GASK1A: variants seen among roughly 807,000 people sequenced by gnomAD.
GASK1A encodes Golgi-associated kinase 1A.
A neutral mutation model predicts 41.2 loss-of-function variants in GASK1A; 40 were observed. The ratio of observed to expected loss-of-function variants is 0.97; its 90% confidence interval spans 0.75 to 1.27. The LOEUF (loss-of-function observed/expected upper bound fraction) is 1.27, where lower values mean the gene tolerates loss of function less well. Among genes scored for constraint, GASK1A ranks in the 50% most tolerant of loss-of-function variants. GASK1A has a pLI of 0.00. For synonymous variants in GASK1A, 316 were observed against 307.1 expected (o/e 1.03, Z -0.30); for missense variants, 678 against 745.1 (o/e 0.91, Z 1.05).
intron 2 of GASK1A, among the ~76,000 whole-genome samples, chr3:43,044,622 C>G (rs1007744898): frequency 1.3e-5 from 2 of 152,162 alleles, no homozygotes; most frequent in Non-Finnish European, 2.9e-5. Context: ...GGATTCATCC[C>G]CAAATTCATC....
rs1332087857 is a variant in GASK1A, at chr3:43,032,390, G to C, written c.127G>C (p.Asp43His). 1 of 1,551,666 alleles carries C rather than the reference G, an allele frequency of 6.4e-7. No homozygotes were observed. The change falls in exon 2 of 5, where the codon GAC becomes CAC. Residue 43 changes from aspartate (D) to histidine (H), a missense_variant. By Grantham distance (81) the Asp-to-His change is moderately conservative. Transcript: ENST00000430121. ...CCCACAGCGTCCATCCGCCGGCCCAGACCCTGGTCCCATGGAGCCTCAGGG... is the reference window on the plus strand; with the variant it reads ...CCCACAGCGTCCATCCGCCGGCCCACACCCTGGTCCCATGGAGCCTCAGGG... ...FPPQRPSAGP[D>H]PGPMEPQGVT...
chr3:43,033,139 T>A lies in GASK1A; in HGVS notation c.876T>A (p.Val292=), dbSNP rs2089587703. 3.9e-6 allele frequency: 6 copies of A among 1,551,130 alleles called. No individual in the cohort carries two copies. Among genetic ancestry groups the A allele is most frequent in the Non-Finnish European group, 4.4e-6 (5 of 1,146,678 alleles). ...CCGCCCATGGGCAGGTGCTACAGGT[T>A]GGCTTCTCCACTGAGGCTGCCCTTC... ...RVPAHGQVLQ[V]GFSTEAALQD... is the part of the protein sequence containing the mutation. Residue 292 remains valine, a synonymous_variant, in exon 2 of 5, where the codon GTT becomes GTA. Coordinates refer to ENST00000430121, the MANE Select transcript of GASK1A (RefSeq NM_001129908.3).
At chr3:43,021,753 G>A (rs1288762315) in intron 1 of GASK1A, among the ~76,000 whole-genome samples, 1 of 152,348 alleles carries the variant, frequency 6.6e-6, no homozygotes, top group African/African-American at 2.4e-5. Flanking sequence ...GCTCAGAAGG[G>A]CAGAAGCAGA....
Position 43,033,260 on chromosome 3 carries a change from C to T in GASK1A, c.997C>T (p.His333Tyr). ...PGDLPEVLSF[H>Y]VDRVLGLRRS... Reference sequence around the variant, plus strand: ...GGACCTGCCTGAGGTCCTGTCCTTCCACGTAGATCGTGTGCTGGGGCTGCG... The same window carrying T: ...GGACCTGCCTGAGGTCCTGTCCTTCTACGTAGATCGTGTGCTGGGGCTGCG... Residue 333 changes from histidine to tyrosine, a missense_variant, in exon 2 of 5, where the codon CAC becomes TAC. Transcript: ENST00000430121. 3.9e-6 allele frequency: 6 copies of T among 1,551,696 alleles called. No homozygotes were observed. Among genetic ancestry groups the T allele is most frequent in the South Asian group, 1.2e-5 (1 of 84,048 alleles).
chr3:43,054,091 C>G lies in GASK1A; in HGVS notation c.1413+448C>G, dbSNP rs536633817. 84 of 302,080 alleles carry G rather than the reference C, an allele frequency of 2.8e-4. 1 individual carries two copies. The highest frequency in any genetic ancestry group is 1.5e-3 in the African/African-American group (71 of 46,168). The allele number at this position is 302,080 out of a possible 1,614,324, so 18.7% of individuals were successfully genotyped here. ...CAGTGGCTCACAGGCTGGTGCTGCT[C>G]CTGTCAAAACTAGAGTCCAGGGTGG... is the stretch of plus-strand genomic sequence containing the variant. On this transcript the variant is annotated intron_variant, in intron 3 of 4. Coordinates refer to ENST00000430121, the MANE Select transcript of GASK1A (RefSeq NM_001129908.3).
intron 2 of GASK1A, among the ~76,000 whole-genome samples, chr3:43,040,278 T>A (rs377056667): frequency 3.5e-5 from 5 of 142,324 alleles, no homozygotes; most frequent in Admixed American, 2.2e-4. Flanking sequence ...CTACCTTTAA[T>A]AGAGCCAATT....
intron 1 of GASK1A, among the ~76,000 whole-genome samples, chr3:42,979,948 A>C (rs2089274232): frequency 6.6e-6 from 1 of 152,122 alleles, no homozygotes. Flanking sequence ...GCAATCCACA[A>C]GGCAGGGAGA....
Position 43,056,204 on chromosome 3 carries a change from G to A in GASK1A, c.1546G>A (p.Ala516Thr), listed in dbSNP as rs577244724. 1.1e-5 allele frequency: 17 copies of A among 1,551,486 alleles called. No individual in the cohort carries two copies. Among genetic ancestry groups the A allele is most frequent in the East Asian group, 4.9e-5 (2 of 40,922 alleles). ...TCCTGAGTCTGCCGTGAAGGTTCTC[G>A]CATCAGGGTGTCTACAGAACATGCT... Reference protein sequence around the residue: ...GFPESAVKVLASGCLQNMLLK... With the variant: ...GFPESAVKVLTSGCLQNMLLK... The change falls in exon 5 of 5, where the codon GCA (alanine) becomes ACA (threonine). Residue 516 changes from alanine to threonine, a missense_variant. Ala to Thr is a moderately conservative substitution (Grantham distance 58, BLOSUM62 0). Transcript: ENST00000430121.
chr3:43,056,523 G>A lies in GASK1A; in HGVS notation c.*137G>A, dbSNP rs2089717345. The A allele has an allele frequency of 1.4e-6, 1 of 739,760 alleles. No homozygotes were observed. The highest frequency in any genetic ancestry group is 2.1e-6 in the Non-Finnish European group (1 of 465,234). The allele number at this position is 739,760 out of a possible 1,614,324, so 45.8% of individuals were successfully genotyped here. A position where few individuals can be genotyped will look rare whatever the true frequency, so the allele number is the denominator to read the frequency against. The stretch of plus-strand genomic sequence containing the variant: ...GTCACGGGATATTTCACCTGCCTGG[G>A]ATGGTGGAGGTAGTATGGGGTTTTC... On this transcript the variant is annotated 3_prime_UTR_variant, in exon 5 of 5. Coordinates refer to ENST00000430121, the MANE Select transcript of GASK1A (RefSeq NM_001129908.3).
rs538049623 is a variant in GASK1A, at chr3:43,023,256, G to A, written c.4-9011G>A. ...ATGTGACTACAAGACAAGGAATGCC[G>A]ACAGCCACCAAAAGCTGGAAGAGGC... On this transcript the variant is annotated intron_variant, in intron 1 of 4. Coordinates refer to ENST00000430121, the MANE Select transcript of GASK1A (RefSeq NM_001129908.3). 2.6e-4 allele frequency among the ~76,000 whole-genome samples: 39 copies of A among 152,266 alleles called. No individual in the cohort carries two copies. In the South Asian group the frequency reaches 8.1e-3, roughly 32 times the overall value.
At chr3:43,053,820 T>G (rs1175936450) in intron 3 of GASK1A, 177 bp downstream of exon 3, 3 of 803,342 alleles carry the variant, frequency 3.7e-6, no homozygotes, top group Non-Finnish European at 6.3e-6. Flanking sequence ...TATATAAAGC[T>G]GACAAAATGG....
At chr3:43,049,420 G>A (rs984835610) in intron 2 of GASK1A, among the ~76,000 whole-genome samples, 6 of 152,056 alleles carry the variant, frequency 3.9e-5, no homozygotes, top group Non-Finnish European at 7.4e-5. Context: ...TTTTATAATA[G>A]GGTATTAGAG....
At chr3:43,007,766 A>G (rs1354167270) in intron 1 of GASK1A, among the ~76,000 whole-genome samples, 2 of 152,228 alleles carry the variant, frequency 1.3e-5, no homozygotes, top group Admixed American at 6.5e-5. Flanking sequence ...AAGAAAGAGA[A>G]TAGCAGGTGC....
intron 1 of GASK1A, among the ~76,000 whole-genome samples, chr3:43,007,800 C>T (rs1165280354): frequency 1.3e-5 from 2 of 152,216 alleles, no homozygotes; most frequent in Non-Finnish European, 2.9e-5. Context: ...TTTAGCTGAA[C>T]AACAGCATTA....
chr3:43,013,443 C>T (rs1384182979), intron 1 of GASK1A, among the ~76,000 whole-genome samples: 1 of 150,948 alleles, frequency 6.6e-6, no homozygotes, highest in African/African-American at 2.5e-5. Flanking sequence ...TAGGAAGTTA[C>T]AAGAAGGTGC....
Position 43,053,495 on chromosome 3 carries a change from C to G in GASK1A, c.1291-26C>G, listed in dbSNP as rs983584732. ...GTGGAGGCAGGCCCCCTGCCGCACC[C>G]CACCGAAGGCTGGGTGTCTCCACAG... On this transcript the variant is annotated intron_variant, in intron 2 of 4. Coordinates refer to ENST00000430121, the MANE Select transcript of GASK1A (RefSeq NM_001129908.3). 2.4e-5 allele frequency: 36 copies of G among 1,518,354 alleles called. No homozygotes were observed. In the Admixed American group the frequency reaches 7.5e-4, roughly 32 times the overall value. The allele number at this position is 1,518,354 out of a possible 1,614,324, so 94.1% of individuals were successfully genotyped here. A position where few individuals can be genotyped will look rare whatever the true frequency, so the allele number is the denominator to read the frequency against.
rs2089718113 is a variant in GASK1A at position 43,056,694 on chromosome 3, T to TAGA, written c.*308_*309insAGA. 3.8e-6 allele frequency: 1 copy of TAGA among 263,864 alleles called. No homozygotes were observed. Among genetic ancestry groups the TAGA allele is most frequent in the African/African-American group, 2.1e-5 (1 of 46,724 alleles). The allele number at this position is 263,864 out of a possible 1,614,324, so 16.3% of individuals were successfully genotyped here. A position where few individuals can be genotyped will look rare whatever the true frequency, so the allele number is the denominator to read the frequency against. ...GCATATGCAGAGTGGGAGAACTTTG[T>TAGA]GTGTGTGTAGAGGTGTGTAGGTGTG... is the stretch of plus-strand genomic sequence containing the variant. On this transcript the variant is annotated 3_prime_UTR_variant, in exon 5 of 5. Transcript: ENST00000430121.
At chr3:43,023,624 G>T (rs977410771) in intron 1 of GASK1A, among the ~76,000 whole-genome samples, 11 of 152,180 alleles carry the variant, frequency 7.2e-5, no homozygotes, top group Non-Finnish European at 1.3e-4. Flanking sequence ...ATCTATGCAT[G>T]TAGTACCTGT....
intron 1 of GASK1A, among the ~76,000 whole-genome samples, chr3:43,001,002 G>A (rs1052064127): frequency 6.6e-6 from 1 of 152,192 alleles, no homozygotes; most frequent in Non-Finnish European, 1.5e-5. Flanking sequence ...ATGCCTGGGT[G>A]CCTGTCACAG....
Sources: allele counts gnomAD v4.1 joint callset (sites outside exome capture counted in the v4.1 genomes callset), GRCh38; gene constraint gnomAD v4.1.1; transcripts MANE v1.5; gene names NCBI Gene and HGNC (gene_info 2026-07-23, HGNC 2026-07-21).